Variants in DNASE2B observed in about 807,000 individuals in gnomAD.
The protein encoded by DNASE2B is deoxyribonuclease 2 beta.
DNASE2B carries 43 observed loss-of-function variants against 46.0 expected under a neutral mutation model. That is an observed-to-expected ratio of 0.94 (90% CI 0.73 to 1.21). The LOEUF is 1.21. Ranked by LOEUF, DNASE2B falls within the 50% of genes most tolerant of loss-of-function variation. The probability of loss-of-function intolerance (pLI) is 0.00; values close to 1 mark genes in which losing one functional copy is unlikely to be tolerated. For synonymous variants in DNASE2B, 156 were observed against 152.5 expected (o/e 1.02, Z -0.17); for missense variants, 395 against 414.4 (o/e 0.95, Z 0.41).
chr1:84,410,190 C>T (rs1680564442), intron 3 of DNASE2B, among the ~76,000 whole-genome samples: 1 of 152,088 alleles, frequency 6.6e-6, no homozygotes, highest in Admixed American at 6.5e-5. Context: ...TGGTATGTCA[C>T]AAAATGATAA....
At chr1:84,408,793 GAC>G (rs1239074788) in intron 3 of DNASE2B, among the ~76,000 whole-genome samples, 2 of 134,720 alleles carry the variant, frequency 1.5e-5, no homozygotes, top group Admixed American at 8.3e-5. Context: ...TGATACTGAG[GAC>G]ACACACACAC....
chr1:84,414,425 C>A, intron 5 of DNASE2B, 103 bp from the exon 6 acceptor site: 2 of 976,038 alleles, frequency 2.0e-6, no homozygotes, highest in Non-Finnish European at 3.0e-6. Context: ...TCGTGACATC[C>A]ACATATCAGG....
intron 2 of DNASE2B, 37 bp downstream of exon 2, chr1:84,402,115 A>C: frequency 6.5e-7 from 1 of 1,547,700 alleles, no homozygotes; most frequent in Admixed American, 2.2e-5. Flanking sequence ...TGAATAATAT[A>C]AAATGCATAA....
chr1:84,407,873 A>G (rs1680517310), intron 2 of DNASE2B, among the ~76,000 whole-genome samples: 1 of 152,138 alleles, frequency 6.6e-6, no homozygotes, highest in African/African-American at 2.4e-5. Flanking sequence ...AGTGACACTG[A>G]AAAATGGATT....
In DNASE2B at chr1:84,408,485, G is replaced by A. The variant is rs1680531506; in HGVS notation, c.352G>A (p.Val118Met). The A allele has an allele frequency of 6.2e-7, 1 of 1,610,884 alleles. No individual in the cohort carries two copies. Among genetic ancestry groups the A allele is most frequent in the East Asian group, 2.2e-5 (1 of 44,778 alleles). Reference sequence around the variant, plus strand: ...ATACAATGATGGAGTCCCTAAACCTGTGAATTACAGCAGAAAGTATGGACA... The same window carrying A: ...ATACAATGATGGAGTCCCTAAACCTATGAATTACAGCAGAAAGTATGGACA... ...LIYNDGVPKPVNYSRKYGHTK... is the reference protein window; with the variant it reads ...LIYNDGVPKPMNYSRKYGHTK... The change falls in exon 3 of 6, where the codon GTG (valine) becomes ATG (methionine). Residue 118 changes from valine to methionine, a missense_variant. By Grantham distance (21) the Val-to-Met change is conservative. Transcript: ENST00000370665.
chr1:84,403,362 T>C (rs920368288), intron 2 of DNASE2B, among the ~76,000 whole-genome samples: 1 of 152,242 alleles, frequency 6.6e-6, no homozygotes, highest in African/African-American at 2.4e-5. Flanking sequence ...TTTTATGTTA[T>C]ATATCTTATA....
At chr1:84,404,844 A>G (rs1395854463) in intron 2 of DNASE2B, among the ~76,000 whole-genome samples, 2 of 152,224 alleles carry the variant, frequency 1.3e-5, no homozygotes, top group Admixed American at 1.3e-4. Context: ...TAGCAGCTTT[A>G]TAGATAGGTG....
Position 84,402,089 on chromosome 1 carries a change from T to A in DNASE2B, c.303+11T>A. ...GCATATGCCTCTAAGGTATGTTATA[T>A]AGTTAATTGTTCACTTGAATAATAT... On this transcript the variant is annotated intron_variant, in intron 2 of 5. Coordinates refer to ENST00000370665, the MANE Select transcript of DNASE2B (RefSeq NM_021233.3). 6.3e-7 allele frequency: 1 copy of A among 1,580,472 alleles called. No homozygotes were observed. The highest frequency in any genetic ancestry group is 8.5e-7 in the Non-Finnish European group (1 of 1,170,144).
chr1:84,398,748 T>C (rs532675532), intron 1 of DNASE2B, 59 bp downstream of exon 1: 367 of 1,586,632 alleles, frequency 2.3e-4, no homozygotes, highest in Middle Eastern at 5.2e-4. Context: ...AGAGTTGGCC[T>C]GGCTCACTGC....
chr1:84,400,960 G>A (rs952155057), intron 1 of DNASE2B, among the ~76,000 whole-genome samples: 2 of 152,262 alleles, frequency 1.3e-5, no homozygotes, highest in Admixed American at 6.5e-5. Context: ...GTATAAGACC[G>A]AAGGGGACCA....
chr1:84,412,417 C>T lies in DNASE2B; in HGVS notation c.616C>T (p.Leu206Phe), dbSNP rs1040826844. 4.3e-6 allele frequency: 7 copies of T among 1,613,206 alleles called. No homozygotes were observed. The African/African-American group carries it at 5.3e-5, about 12-fold the overall frequency. The change falls in exon 5 of 6, where the codon CTC (leucine) becomes TTC (phenylalanine). Residue 206 changes from leucine to phenylalanine, a missense_variant. Coordinates refer to ENST00000370665, the MANE Select transcript of DNASE2B (RefSeq NM_021233.3). ...CSIPATFHQELIHMPQLCTRA... is the reference protein window; with the variant it reads ...CSIPATFHQEFIHMPQLCTRA... ...CATCCCAGCCACCTTTCACCAGGAG[C>T]TCATTCACATGCCCCAGCTGTGCAC...
intron 5 of DNASE2B, 57 bp downstream of exon 5, chr1:84,412,603 G>A: frequency 1.4e-6 from 2 of 1,384,358 alleles, no homozygotes; most frequent in Admixed American, 2.3e-5. Flanking sequence ...GAACTGACTA[G>A]GGATAGCTTA....
intron 4 of DNASE2B, among the ~76,000 whole-genome samples, 162 bp downstream of exon 4, chr1:84,411,161 G>A (rs1007057264): frequency 3.3e-5 from 5 of 152,244 alleles, no homozygotes; most frequent in East Asian, 1.9e-4. Flanking sequence ...GGGCAGGCTC[G>A]CTTACTGGGC....
intron 2 of DNASE2B, among the ~76,000 whole-genome samples, chr1:84,402,299 C>T (rs1680434968): frequency 6.6e-6 from 1 of 152,174 alleles, no homozygotes; most frequent in African/African-American, 2.4e-5. Context: ...TTACTTGGCA[C>T]CATGTCCAGT....
chr1:84,410,608 T>G (rs1244123984), intron 3 of DNASE2B, among the ~76,000 whole-genome samples: 1 of 152,232 alleles, frequency 6.6e-6, no homozygotes, highest in African/African-American at 2.4e-5. Context: ...CTTCACAGGA[T>G]GGCTACCTTG....
chr1:84,405,697 G>A (rs764464640), intron 2 of DNASE2B, among the ~76,000 whole-genome samples: 4 of 152,202 alleles, frequency 2.6e-5, no homozygotes, highest in Non-Finnish European at 4.4e-5. Flanking sequence ...AACTGCTCAC[G>A]TGGAGGTTGT....
chr1:84,403,550 C>T (rs2101848257), intron 2 of DNASE2B, among the ~76,000 whole-genome samples: 1 of 151,262 alleles, frequency 6.6e-6, no homozygotes, highest in African/African-American at 2.4e-5. Context: ...AAGGGCTGGT[C>T]TTGCTATCTC....
chr1:84,403,561 G>A (rs565443889), intron 2 of DNASE2B, among the ~76,000 whole-genome samples: 8 of 151,910 alleles, frequency 5.3e-5, no homozygotes, highest in South Asian at 2.1e-4. Context: ...TTGCTATCTC[G>A]GGGGTGGCAG....
Position 84,398,554 on chromosome 1 carries a change from G to T in DNASE2B, c.-11G>T. 1 of 1,613,476 alleles carries T rather than the reference G, an allele frequency of 6.2e-7. No individual in the cohort carries two copies. The highest frequency in any genetic ancestry group is 8.5e-7 in the Non-Finnish European group (1 of 1,179,614). ...TCTATGGGGAAAGTGTCCTGCTGTG[G>T]CATGAAATAAATGAAACAGAAAATG... On this transcript the variant is annotated 5_prime_UTR_variant, in exon 1 of 6. Coordinates refer to ENST00000370665, the MANE Select transcript of DNASE2B (RefSeq NM_021233.3).
Sources: allele counts gnomAD v4.1 joint callset (sites outside exome capture counted in the v4.1 genomes callset), GRCh38; gene constraint gnomAD v4.1.1; transcripts MANE v1.5; gene names NCBI Gene and HGNC (gene_info 2026-07-23, HGNC 2026-07-21).